ZNF184: variants seen among roughly 807,000 people sequenced by gnomAD.
ZNF184 encodes zinc finger protein 184 (Kruppel-like).
Under a neutral mutation model 54.4 loss-of-function variants are expected in ZNF184, and 16 were observed. That is an observed-to-expected ratio of 0.29 (90% CI 0.20 to 0.45). ZNF184 has a LOEUF of 0.45. ZNF184 is among the 20% of genes least tolerant of loss of function. The pLI, the probability that ZNF184 is intolerant of heterozygous loss-of-function variation, is 1.00. For synonymous variants in ZNF184, 254 were observed against 295.3 expected (o/e 0.86, Z 1.43); for missense variants, 681 against 888.2 (o/e 0.77, Z 2.97).
At chr6:27,437,674 C>T in the ZNF184 span, among the ~76,000 whole-genome samples, 1 of 152,208 alleles carries the variant, frequency 6.6e-6, no homozygotes, top group Non-Finnish European at 1.5e-5. Context: ...GCTATTACAG[C>T]TGTCATCTGA....
chr6:27,419,236 G>T, the ZNF184 span, among the ~76,000 whole-genome samples: 3 of 152,068 alleles, frequency 2.0e-5, no homozygotes, highest in African/African-American at 7.2e-5. The surrounding 1 kb of genome is among the most constrained non-coding windows in gnomAD (Gnocchi z 4.8). Flanking sequence ...CTCCCAATTA[G>T]CTGGGATTAC....
intron 3 of ZNF184, among the ~76,000 whole-genome samples, chr6:27,458,736 C>T (rs1762926856): frequency 6.6e-6 from 1 of 152,058 alleles, no homozygotes; most frequent in African/African-American, 2.4e-5. Flanking sequence ...GGTATTTATC[C>T]AAAGTGAAGG....
At chr6:27,404,045 C>T in the ZNF184 span, 1 of 152,058 alleles carries the variant, frequency 6.6e-6, no homozygotes, top group East Asian at 1.9e-4. Flanking sequence ...TTTATTATAA[C>T]TCCATTGTGT....
rs751694853 is a variant in ZNF184, at chr6:27,457,334, C to A, written c.151G>T (p.Asp51Tyr). 3 of 1,614,072 alleles carry A rather than the reference C, an allele frequency of 1.9e-6. No individual in the cohort carries two copies. The highest frequency in any genetic ancestry group is 2.5e-6 in the Non-Finnish European group (3 of 1,179,992). ...TCCAATGTCACATCCCTGAACAAAT[C>A]TCTCTGGCCAGGGTCCAGCTGTTTC... ...EWKQLDPGQR[D>Y]LFRDVTLENY... The change falls in exon 4 of 6, where the codon GAT becomes TAT. Residue 51 changes from aspartate to tyrosine, a missense_variant. Coordinates refer to ENST00000683788, the MANE Select transcript of ZNF184 (RefSeq NM_001318891.2).
At chr6:27,436,729 CTT>C in the ZNF184 span, among the ~76,000 whole-genome samples, 1 of 152,182 alleles carries the variant, frequency 6.6e-6, no homozygotes, top group African/African-American at 2.4e-5. Flanking sequence ...CATTATCTCA[CTT>C]ATATATGTAT....
At chr6:27,435,298 T>C in the ZNF184 span, among the ~76,000 whole-genome samples, 7 of 152,202 alleles carry the variant, frequency 4.6e-5, no homozygotes, top group Non-Finnish European at 1.0e-4. Flanking sequence ...GTCTTACCAT[T>C]CATTTATGTC....
downstream of ZNF184, among the ~76,000 whole-genome samples, chr6:27,448,415 A>G (rs1322241481): frequency 6.6e-6 from 1 of 152,176 alleles, no homozygotes; most frequent in Non-Finnish European, 1.5e-5. Flanking sequence ...TTAACGCTTT[A>G]TAATTTATTC....
the ZNF184 span, among the ~76,000 whole-genome samples, chr6:27,415,962 G>A: frequency 6.6e-6 from 1 of 152,182 alleles, no homozygotes; most frequent in Admixed American, 6.5e-5. Flanking sequence ...CTCTGAGGGA[G>A]AATCTGTTCC....
intron 3 of ZNF184, among the ~76,000 whole-genome samples, chr6:27,461,127 C>T (rs1452249412): frequency 6.6e-6 from 1 of 152,140 alleles, no homozygotes; most frequent in Non-Finnish European, 1.5e-5. Flanking sequence ...TATAGCTGGT[C>T]ATATGGCAGG....
chr6:27,420,043 T>C, the ZNF184 span, among the ~76,000 whole-genome samples: 1 of 152,208 alleles, frequency 6.6e-6, no homozygotes, highest in East Asian at 1.9e-4. Context: ...AAATGCTTTA[T>C]TGCCTGTCAA....
At chr6:27,457,236 C>T (rs1433618972) in intron 4 of ZNF184, 47 bp downstream of exon 4, 1 of 1,596,480 alleles carries the variant, frequency 6.3e-7, no homozygotes, top group Non-Finnish European at 8.5e-7. Context: ...AGAGAGAACC[C>T]TCCTCCTGCA....
chr6:27,472,206 C>G lies in ZNF184; in HGVS notation c.7+82G>C, dbSNP rs1284543499. ...GTTCCTTCCTTCCAAATCTCCTGCT[C>G]TGATCTCAAGTATTTGATACTCCAG... On this transcript the variant is annotated intron_variant, in intron 2 of 5. Coordinates refer to ENST00000683788, the MANE Select transcript of ZNF184 (RefSeq NM_001318891.2). The surrounding 1 kb of genome is among the most constrained non-coding windows in gnomAD (Gnocchi z 4.8). The G allele has an allele frequency of 3.8e-6, 6 of 1,578,364 alleles. No individual in the cohort carries two copies. Among genetic ancestry groups the G allele is most frequent in the Non-Finnish European group, 5.2e-6 (6 of 1,152,066 alleles).
At chr6:27,440,763 C>T in the ZNF184 span, among the ~76,000 whole-genome samples, 1 of 151,832 alleles carries the variant, frequency 6.6e-6, no homozygotes, top group South Asian at 2.1e-4. Context: ...CAGCACTTTG[C>T]GAGGCCGAGG....
intron 3 of ZNF184, among the ~76,000 whole-genome samples, chr6:27,466,068 A>G (rs1462950025): frequency 2.0e-5 from 3 of 152,130 alleles, no homozygotes; most frequent in Non-Finnish European, 4.4e-5. Context: ...AGTAATCACA[A>G]GGGTCTTTAT....
Position 27,472,142 on chromosome 6 carries a change from CAATGT to C in ZNF184, c.7+141_7+145del. 1 of 1,017,018 alleles carries C rather than the reference CAATGT, an allele frequency of 9.8e-7. No homozygotes were observed. The allele number at this position is 1,017,018 out of a possible 1,614,324, so 63.0% of individuals were successfully genotyped here. A position where few individuals can be genotyped will look rare whatever the true frequency, so the allele number is the denominator to read the frequency against. On this transcript the variant is annotated intron_variant, in intron 2 of 5. Transcript: ENST00000683788. This position sits in a 1 kb window ranked among gnomAD's most constrained non-coding sequence, Gnocchi z 4.8. ...CTCTATAAAACAGAATCTCTCCCTACAATGTAATTCGGTTTCTTTGCTAATCCCTA... is the reference window on the plus strand; with the variant it reads ...CTCTATAAAACAGAATCTCTCCCTACAATTCGGTTTCTTTGCTAATCCCTA...
At chr6:27,422,154 AAG>A in the ZNF184 span, among the ~76,000 whole-genome samples, 5 of 34,202 alleles carry the variant, frequency 1.5e-4, 1 homozygote, top group East Asian at 8.1e-4. Flanking sequence ...AAAAAAAAGA[AAG>A]AAAGAAAGAA....
chr6:27,469,597 T>C (rs6918794), intron 2 of ZNF184, among the ~76,000 whole-genome samples: 98,949 of 151,788 alleles, frequency 0.65, 32,551 homozygotes, highest in Middle Eastern at 0.76. Context: ...GCCGAAATTA[T>C]GCCACTGCAC....
At chr6:27,405,336 T>C in the ZNF184 span, 1 of 152,274 alleles carries the variant, frequency 6.6e-6, no homozygotes, top group East Asian at 1.9e-4. Flanking sequence ...TGTAAAACAG[T>C]GATATTGATA....
At chr6:27,440,139 T>A in the ZNF184 span, among the ~76,000 whole-genome samples, 1 of 152,170 alleles carries the variant, frequency 6.6e-6, no homozygotes, top group African/African-American at 2.4e-5. Context: ...AAGAAACACG[T>A]TTTTGGTAAA....
Sources: allele counts gnomAD v4.1 joint callset (sites outside exome capture counted in the v4.1 genomes callset), GRCh38; gene constraint gnomAD v4.1.1; non-coding constraint Gnocchi (gnomAD v3.1); transcripts MANE v1.5; gene names NCBI Gene and HGNC (gene_info 2026-07-23, HGNC 2026-07-21).